TAOK1: variants seen among roughly 807,000 people sequenced by gnomAD.
The protein encoded by TAOK1 is TAO kinase 1, also known as serine/threonine-protein kinase TAO1.
TAOK1 carries 21 observed loss-of-function variants against 138.3 expected under a neutral mutation model. That is an observed-to-expected ratio of 0.15 (90% CI 0.11 to 0.22). The LOEUF (loss-of-function observed/expected upper bound fraction) is 0.22. TAOK1 is among the 10% of genes least tolerant of loss of function. The pLI is 1.00. For missense variants in TAOK1, 651 were observed against 1,227.7 expected, an observed-to-expected ratio of 0.53 and a Z score of 7.02; for synonymous variants, 361 against 398.4, an observed-to-expected ratio of 0.91 and a Z score of 1.12.
intron 2 of TAOK1, among the ~76,000 whole-genome samples, chr17:29,453,882 A>G (rs1164053081): frequency 6.7e-6 from 1 of 150,192 alleles, no homozygotes; most frequent in Non-Finnish European, 1.5e-5. Context: ...ATCATGGCTC[A>G]CTACGTCCTC....
intron 15 of TAOK1, among the ~76,000 whole-genome samples, chr17:29,515,531 G>A (rs556045015): frequency 6.6e-6 from 1 of 152,236 alleles, no homozygotes; most frequent in African/African-American, 2.4e-5. Flanking sequence ...CCGATTGAGT[G>A]GGTAACTCAA....
intron 8 of TAOK1, 69 bp from the exon 9 acceptor site, chr17:29,489,595 G>T: frequency 3.1e-6 from 3 of 976,850 alleles, no homozygotes; most frequent in Non-Finnish European, 4.4e-6. Flanking sequence ...AAAAAAAAAG[G>T]AAAAACGTGC....
chr17:29,455,993 G>T (rs1163619714), intron 2 of TAOK1, among the ~76,000 whole-genome samples: 1 of 150,148 alleles, frequency 6.7e-6, no homozygotes, highest in Non-Finnish European at 1.5e-5. Flanking sequence ...GAGTTAGGAA[G>T]TGTTCCCTTC....
chr17:29,518,351 G>A (rs1162843423), intron 16 of TAOK1, among the ~76,000 whole-genome samples: 1 of 152,154 alleles, frequency 6.6e-6, no homozygotes, highest in Admixed American at 6.5e-5. Flanking sequence ...TGGGTGTTGT[G>A]GTGTGCACCT....
At chr17:29,520,828 A>G (rs1203881143) in intron 16 of TAOK1, among the ~76,000 whole-genome samples, 2 of 151,754 alleles carry the variant, frequency 1.3e-5, no homozygotes, top group African/African-American at 4.8e-5. Context: ...GATCGAGACC[A>G]TCCTGGCCAA....
chr17:29,433,540 A>G (rs1175431088), intron 1 of TAOK1, among the ~76,000 whole-genome samples: 5 of 152,242 alleles, frequency 3.3e-5, no homozygotes, highest in Admixed American at 2.0e-4. Context: ...TCCCATGGCT[A>G]TGAAAATTCA....
At chr17:29,435,852 G>A (rs1445966018) in intron 1 of TAOK1, among the ~76,000 whole-genome samples, 2 of 152,110 alleles carry the variant, frequency 1.3e-5, no homozygotes, top group South Asian at 2.1e-4. Flanking sequence ...ACAGATAGGC[G>A]GGGTGCGGTG....
intron 13 of TAOK1, among the ~76,000 whole-genome samples, chr17:29,507,561 G>A (rs985498942): frequency 6.6e-6 from 1 of 152,126 alleles, no homozygotes; most frequent in East Asian, 1.9e-4. Context: ...TTGAACATAT[G>A]TGGATCTCTT....
At chr17:29,502,796 C>CTA (rs1270038847) in intron 13 of TAOK1, 73 bp downstream of exon 13, 1 of 1,484,798 alleles carries the variant, frequency 6.7e-7, no homozygotes, top group Non-Finnish European at 9.1e-7. Context: ...TCAAGTATAG[C>CTA]TATATATTGT....
chr17:29,506,798 A>G (rs2031636581), intron 13 of TAOK1, among the ~76,000 whole-genome samples: 1 of 152,206 alleles, frequency 6.6e-6, no homozygotes, highest in African/African-American at 2.4e-5. Flanking sequence ...GTGCATGTAC[A>G]CACAGTCACA....
chr17:29,516,810 TTTG>T lies in TAOK1; in HGVS notation c.1705-627_1705-625del, dbSNP rs1053843460. ...GCCATTGCACCCGACCCCTGTTTTT[TTTG>T]TTGTTGTTGTTGTTGGTTTTTTTGT... On this transcript the variant is annotated intron_variant, in intron 15 of 19. Coordinates refer to ENST00000261716, the MANE Select transcript of TAOK1 (RefSeq NM_020791.4). Among the ~76,000 whole-genome samples, 11 of 151,660 alleles carry T rather than the reference TTTG, an allele frequency of 7.3e-5. No individual in the cohort carries two copies. The East Asian group carries it at 1.6e-3, about 22-fold the overall frequency.
chr17:29,542,375 C>T (rs1237356100), intron 19 of TAOK1, among the ~76,000 whole-genome samples, 186 bp from the exon 20 acceptor site: 2 of 151,708 alleles, frequency 1.3e-5, no homozygotes, highest in African/African-American at 2.4e-5. Context: ...GTTGTACCCC[C>T]GAATATATAA....
intron 2 of TAOK1, among the ~76,000 whole-genome samples, chr17:29,453,914 T>C (rs1342162642): frequency 2.0e-5 from 3 of 151,468 alleles, no homozygotes; most frequent in Admixed American, 1.3e-4. Context: ...GCTCAGGTGT[T>C]CCTCCCACCT....
chr17:29,538,648 G>A (rs996355081), intron 19 of TAOK1, among the ~76,000 whole-genome samples: 7 of 152,200 alleles, frequency 4.6e-5, no homozygotes, highest in African/African-American at 1.4e-4. Context: ...AATGTTAGTT[G>A]ATTCTAGATG....
intron 1 of TAOK1, among the ~76,000 whole-genome samples, chr17:29,409,656 AC>A (rs1419845404): frequency 3.9e-5 from 6 of 151,986 alleles, no homozygotes; most frequent in Admixed American, 3.3e-4. Context: ...TTTTATTTCT[AC>A]TAACCCTAAG....
chr17:29,452,265 A>G (rs894450111), intron 2 of TAOK1, among the ~76,000 whole-genome samples: 1 of 152,122 alleles, frequency 6.6e-6, no homozygotes, highest in South Asian at 2.1e-4. Context: ...AAAGAAAGAA[A>G]AAGAAAAAAA....
intron 1 of TAOK1, among the ~76,000 whole-genome samples, chr17:29,428,751 G>T (rs957951251): frequency 1.1e-4 from 17 of 151,608 alleles, no homozygotes; most frequent in African/African-American, 3.4e-4. Flanking sequence ...AGCCTCCCAA[G>T]TCGCTGGGAC....
intron 1 of TAOK1, among the ~76,000 whole-genome samples, chr17:29,439,178 A>G (rs769933516): frequency 7.0e-5 from 10 of 143,800 alleles, no homozygotes; most frequent in Non-Finnish European, 1.3e-4. Flanking sequence ...GATTTCCTCA[A>G]TTTGTCATGA....
intron 1 of TAOK1, among the ~76,000 whole-genome samples, chr17:29,419,607 T>G (rs1905366690): frequency 6.6e-6 from 1 of 151,000 alleles, no homozygotes; most frequent in Non-Finnish European, 1.5e-5. Flanking sequence ...ATTCTCCACC[T>G]CAACCTCCTA....
Sources: gnomAD v4.1 joint callset for allele counts (sites outside exome capture counted in the v4.1 genomes callset) on GRCh38, gnomAD v4.1.1 for gene constraint, MANE v1.5 for transcripts, NCBI Gene and HGNC (gene_info 2026-07-23, HGNC 2026-07-21) for gene names.